ANKS1B: variants seen among roughly 807,000 people sequenced by gnomAD.
The protein encoded by ANKS1B is ankyrin repeat and sterile alpha motif domain containing 1B, also known as ankyrin repeat and sterile alpha motif domain-containing protein 1B.
Under a neutral mutation model 148.3 loss-of-function variants are expected in ANKS1B, and 36 were observed. The observed-to-expected ratio is 0.24, with a 90% CI of 0.19 to 0.32. The LOEUF is 0.32. Ranked by LOEUF, ANKS1B falls within the 10% of genes least tolerant of loss-of-function variation. The probability of loss-of-function intolerance (pLI) is 1.00; values close to 1 mark genes in which losing one functional copy is unlikely to be tolerated. For synonymous variants in ANKS1B, 542 were observed against 560.8 expected (o/e 0.97, Z 0.47); for missense variants, 1,157 against 1,542.6 (o/e 0.75, Z 4.19).
At chr12:99,291,558 G>A (rs917272508) in intron 12 of ANKS1B, among the ~76,000 whole-genome samples, 3 of 152,120 alleles carry the variant, frequency 2.0e-5, no homozygotes, top group Admixed American at 6.6e-5. Context: ...TAGACCAATG[G>A]AACAGAACAG....
intron 8 of ANKS1B, among the ~76,000 whole-genome samples, chr12:99,753,949 G>C (rs942275031): frequency 2.6e-5 from 4 of 152,040 alleles, no homozygotes; most frequent in African/African-American, 9.7e-5. Context: ...ATTGAACCCA[G>C]GAGGCAGAGG....
chr12:99,251,537 G>C (rs1046367473), intron 12 of ANKS1B, among the ~76,000 whole-genome samples: 2 of 152,028 alleles, frequency 1.3e-5, no homozygotes, highest in African/African-American at 2.4e-5. Flanking sequence ...TTCATGCCAA[G>C]GTACAGAACT....
At chr12:98,787,737 C>T (rs2098808996) in intron 22 of ANKS1B, among the ~76,000 whole-genome samples, 1 of 150,986 alleles carries the variant, frequency 6.6e-6, no homozygotes, top group South Asian at 2.1e-4. Context: ...CTGGGCAACA[C>T]AGTGAAACCC....
chr12:99,825,077 T>C (rs1199107319), intron 2 of ANKS1B, among the ~76,000 whole-genome samples: 1 of 152,146 alleles, frequency 6.6e-6, no homozygotes, highest in African/African-American at 2.4e-5. Flanking sequence ...ATTCTCCCAG[T>C]GTGATAGGTT....
intron 8 of ANKS1B, among the ~76,000 whole-genome samples, chr12:99,708,236 G>T (rs2056116605): frequency 6.6e-6 from 1 of 152,134 alleles, no homozygotes; most frequent in Admixed American, 6.5e-5. Context: ...CATCAGTATG[G>T]AAGTCTCTCT....
chr12:99,181,969 C>G (rs947084928), intron 14 of ANKS1B, among the ~76,000 whole-genome samples: 2 of 152,070 alleles, frequency 1.3e-5, no homozygotes, highest in Non-Finnish European at 2.9e-5. Flanking sequence ...TCCCACTACC[C>G]TTCCCAGCTT....
chr12:99,644,971 T>G (rs988225036), intron 9 of ANKS1B, among the ~76,000 whole-genome samples: 4 of 152,190 alleles, frequency 2.6e-5, no homozygotes, highest in African/African-American at 9.6e-5. Context: ...CAAAGACCAC[T>G]GTGATTACAC....
intron 5 of ANKS1B, among the ~76,000 whole-genome samples, chr12:99,780,886 G>C (rs1335093373): frequency 6.6e-6 from 1 of 152,132 alleles, no homozygotes. Context: ...ATGCAAGATT[G>C]TATTTGTCAG....
At chr12:99,579,854 T>C (rs910731061) in intron 9 of ANKS1B, among the ~76,000 whole-genome samples, 1 of 152,276 alleles carries the variant, frequency 6.6e-6, no homozygotes, top group South Asian at 2.1e-4. Flanking sequence ...ACTGGATATA[T>C]ACTGAAAGGA....
intron 9 of ANKS1B, among the ~76,000 whole-genome samples, chr12:99,605,798 G>C (rs781776373): frequency 2.6e-5 from 4 of 152,048 alleles, no homozygotes; most frequent in Non-Finnish European, 5.9e-5. Context: ...ATAAGCACAA[G>C]TGTGCAGTTA....
intron 12 of ANKS1B, among the ~76,000 whole-genome samples, chr12:99,274,312 G>A (rs1200916182): frequency 1.3e-5 from 2 of 151,988 alleles, no homozygotes; most frequent in African/African-American, 2.4e-5. Flanking sequence ...CCTTTGTAAT[G>A]AACAGTCTGT....
At chr12:99,620,409 A>C (rs1207255111) in intron 9 of ANKS1B, among the ~76,000 whole-genome samples, 4 of 152,232 alleles carry the variant, frequency 2.6e-5, no homozygotes, top group Non-Finnish European at 5.9e-5. Context: ...AGTGACAGAT[A>C]AAGAATTTAA....
intron 9 of ANKS1B, among the ~76,000 whole-genome samples, chr12:99,604,793 C>T (rs2097838892): frequency 7.6e-6 from 1 of 131,886 alleles, no homozygotes; most frequent in Non-Finnish European, 1.5e-5. Flanking sequence ...CCAGCCTGGG[C>T]GACAAGGGCA....
chr12:99,816,139 A>G (rs1372489406), intron 2 of ANKS1B, among the ~76,000 whole-genome samples: 1 of 151,696 alleles, frequency 6.6e-6, no homozygotes, highest in Non-Finnish European at 1.5e-5. Flanking sequence ...CATTCCCACC[A>G]ACTTCTATTG....
chr12:99,246,825 T>A lies in ANKS1B; in HGVS notation c.1796A>T (p.Glu599Val), dbSNP rs768814889. The change falls in exon 13 of 27, where the codon GAA (glutamate) becomes GTA (valine). Residue 599 changes from glutamate (E) to valine (V), a missense_variant. By Grantham distance (121) the Glu-to-Val change is moderately radical. Coordinates refer to ENST00000683438, the MANE Select transcript of ANKS1B (RefSeq NM_001352186.2). Reference sequence around the variant, plus strand: ...GCCTGCAAATTGCCCAGGATCATATTCTTTTGGGGGATCATTGTCATCCTG... The same window carrying A: ...GCCTGCAAATTGCCCAGGATCATATACTTTTGGGGGATCATTGTCATCCTG... ...SRQDDNDPPKEYDPGQFAGLL... is the reference protein window; with the variant it reads ...SRQDDNDPPKVYDPGQFAGLL... 2 of 1,606,354 alleles carry A rather than the reference T, an allele frequency of 1.2e-6. No individual in the cohort carries two copies. Among genetic ancestry groups the A allele is most frequent in the Non-Finnish European group, 1.7e-6 (2 of 1,178,272 alleles).
intron 17 of ANKS1B, among the ~76,000 whole-genome samples, chr12:98,956,702 C>A (rs1331145400): frequency 6.6e-6 from 1 of 152,092 alleles, no homozygotes; most frequent in Non-Finnish European, 1.5e-5. Context: ...ATTGAAAAAG[C>A]CTGAAATAAA....
intron 14 of ANKS1B, among the ~76,000 whole-genome samples, chr12:99,189,687 A>G (rs937446262): frequency 6.6e-6 from 1 of 152,232 alleles, no homozygotes; most frequent in African/African-American, 2.4e-5. Flanking sequence ...GACGGAACTT[A>G]TCTCAAAATA....
At chr12:99,088,853 T>TTTTG (rs2052991095) in intron 15 of ANKS1B, among the ~76,000 whole-genome samples, 1 of 141,532 alleles carries the variant, frequency 7.1e-6, no homozygotes, top group Non-Finnish European at 1.5e-5. Flanking sequence ...TTTTTTTTTT[T>TTTTG]TTTTTTTTTG....
intron 17 of ANKS1B, chr12:98,954,210 T>C (rs1044939162): frequency 1.8e-4 from 28 of 152,380 alleles, no homozygotes; most frequent in African/African-American, 6.7e-4. Context: ...TGTACTTATC[T>C]GCACTCCTCA....
Sources: gnomAD v4.1 joint callset for allele counts (sites outside exome capture counted in the v4.1 genomes callset) on GRCh38, gnomAD v4.1.1 for gene constraint, MANE v1.5 for transcripts, NCBI Gene and HGNC (gene_info 2026-07-23, HGNC 2026-07-21) for gene names.